Variants in MYO9A observed in about 807,000 individuals in gnomAD.
MYO9A encodes the protein unconventional myosin-IXa.
Under a neutral mutation model 293.3 loss-of-function variants are expected in MYO9A, and 103 were observed. The ratio of observed to expected loss-of-function variants is 0.35; its 90% confidence interval spans 0.30 to 0.41. MYO9A has a LOEUF of 0.41. Among genes scored for constraint, MYO9A ranks in the 10% least tolerant of loss-of-function variants. The pLI, the probability that MYO9A is intolerant of heterozygous loss-of-function variation, is 1.00. For synonymous variants in MYO9A, 1,001 were observed against 1,035.7 expected (o/e 0.97, Z 0.64); for missense variants, 2,685 against 3,033.0 (o/e 0.89, Z 2.69).
chr15:71,899,865 G>C lies in MYO9A; in HGVS notation c.3292C>G (p.Arg1098Gly), dbSNP rs574455598. The C allele has an allele frequency of 2.5e-6, 4 of 1,614,028 alleles. No individual in the cohort carries two copies. The Admixed American group carries it at 5.0e-5, about 20-fold the overall frequency. Residue 1098 changes from arginine to glycine, a missense_variant, in exon 24 of 42, where the codon CGG (arginine) becomes GGG (glycine). Arg to Gly is a moderately radical substitution (Grantham distance 125, BLOSUM62 -2). Around this residue, in one of 10 missense-constraint regions of MYO9A, gnomAD observed 1,434 missense variants for 1,497.7 expected, o/e 0.96. Transcript: ENST00000356056. Reference protein sequence around the residue: ...HLERQRYLELRAAAIVIQQKW... With the variant: ...HLERQRYLELGAAAIVIQQKW... ...TGCTGGATAACGATGGCTGCAGCCCGTAACTCCAAGTACCGCTGCCTCTCT... is the reference window on the plus strand; with the variant it reads ...TGCTGGATAACGATGGCTGCAGCCCCTAACTCCAAGTACCGCTGCCTCTCT...
At chr15:71,851,217 A>G (rs754099293) in intron 37 of MYO9A, 36 bp downstream of exon 37, 5 of 1,452,886 alleles carry the variant, frequency 3.4e-6, no homozygotes, top group Non-Finnish European at 3.8e-6. Context: ...TCCAAGAGAA[A>G]CTATTAAAAA....
At chr15:72,084,871 G>A (rs1008662558) in intron 1 of MYO9A, among the ~76,000 whole-genome samples, 1 of 152,124 alleles carries the variant, frequency 6.6e-6, no homozygotes, top group Non-Finnish European at 1.5e-5. Context: ...TCATGAATGA[G>A]ATCCTGAAAT....
At chr15:71,833,711 A>AAGTT (rs1215236949) in intron 39 of MYO9A, among the ~76,000 whole-genome samples, 1 of 152,136 alleles carries the variant, frequency 6.6e-6, no homozygotes. Flanking sequence ...AATTTAAAAC[A>AAGTT]AGTTTTCTAA....
Position 72,108,762 on chromosome 15 carries a change from ATT to A in MYO9A, c.-72+8916_-72+8917del, listed in dbSNP as rs3028363. 2.9e-5 allele frequency among the ~76,000 whole-genome samples: 4 copies of A among 139,226 alleles called. 1 individual carries two copies. Among genetic ancestry groups the A allele is most frequent in the Non-Finnish European group, 4.6e-5 (3 of 65,272 alleles). The allele number at this position is 139,226 out of a possible 152,430, so 91.3% of individuals were successfully genotyped here. A position where few individuals can be genotyped will look rare whatever the true frequency, so the allele number is the denominator to read the frequency against. On this transcript the variant is annotated intron_variant, in intron 1 of 41. Coordinates refer to ENST00000356056, the MANE Select transcript of MYO9A (RefSeq NM_006901.4). ...GCAGTAAACTTGTCATGACACATAC[ATT>A]TTTTTTTTTTTTTTTGAGACAGAGT... is the stretch of plus-strand genomic sequence containing the variant.
chr15:71,935,994 TGAAC>T (rs1234629524), intron 16 of MYO9A, among the ~76,000 whole-genome samples: 1 of 151,376 alleles, frequency 6.6e-6, no homozygotes, highest in Non-Finnish European at 1.5e-5. Context: ...GATATAGCAA[TGAAC>T]AAAACATAAC....
rs2080000491 is a variant in MYO9A, at chr15:72,094,001, C to T, written c.-72+23679G>A. 2.2e-5 allele frequency among the ~76,000 whole-genome samples: 2 copies of T among 90,840 alleles called. 1 individual carries two copies. Among genetic ancestry groups the T allele is most frequent in the African/African-American group, 5.2e-5 (2 of 38,666 alleles). The allele number at this position is 90,840 out of a possible 152,430, so 59.6% of individuals were successfully genotyped here. A position where few individuals can be genotyped will look rare whatever the true frequency, so the allele number is the denominator to read the frequency against. ...CACCCACAGTAAAAGAAGAAAAATA[C>T]ACACCCAAAAAAAGAAGAAAAACAC... is the stretch of plus-strand genomic sequence containing the variant. On this transcript the variant is annotated intron_variant, in intron 1 of 41. Transcript: ENST00000356056.
chr15:72,078,706 A>G (rs141046437), intron 1 of MYO9A, among the ~76,000 whole-genome samples: 1 of 152,360 alleles, frequency 6.6e-6, no homozygotes, highest in East Asian at 1.9e-4. Flanking sequence ...AGCTTTATTT[A>G]TGATTGTCAG....
intron 2 of MYO9A, among the ~76,000 whole-genome samples, chr15:72,035,977 G>C (rs956580864): frequency 7.2e-5 from 11 of 151,892 alleles, no homozygotes; most frequent in African/African-American, 2.7e-4. Flanking sequence ...ACTATAAAAG[G>C]TAATATTTTA....
chr15:71,898,741 C>G lies in MYO9A; in HGVS notation c.3762G>C (p.Glu1254Asp), dbSNP rs776334979. Residue 1254 changes from glutamate (E) to aspartate (D), a missense_variant, in exon 25 of 42, where the codon GAG (glutamate) becomes GAC (aspartate). Physicochemically the swap from Glu to Asp is conservative, Grantham distance 45. Transcript: ENST00000356056. ...VDLQEDVLVR[E>D]RPRSLEDLHQ... ...GGAGATCCTCCAAGGATCTGGGTCT[C>G]TCTCTTACAAGCACATCTTCCTGCA... 6.2e-7 allele frequency: 1 copy of G among 1,614,086 alleles called. No homozygotes were observed.
intron 5 of MYO9A, 36 bp downstream of exon 5, chr15:72,020,882 G>A (rs368978374): frequency 2.4e-5 from 31 of 1,285,788 alleles, no homozygotes; most frequent in Middle Eastern, 3.8e-4. Context: ...ATTTAATACT[G>A]CCCTATACTT....
chr15:72,100,469 G>A (rs936771094), intron 1 of MYO9A, among the ~76,000 whole-genome samples: 1 of 151,550 alleles, frequency 6.6e-6, no homozygotes, highest in Admixed American at 6.6e-5. Context: ...CAGTCTGGGA[G>A]GTGAGGAGCG....
chr15:72,078,013 C>T (rs551264128), intron 1 of MYO9A, among the ~76,000 whole-genome samples: 3 of 151,996 alleles, frequency 2.0e-5, no homozygotes, highest in Non-Finnish European at 4.4e-5. Context: ...AATTCTGAAA[C>T]AATGACAAAA....
chr15:71,901,842 G>C (rs181358632), intron 22 of MYO9A, among the ~76,000 whole-genome samples: 2 of 152,180 alleles, frequency 1.3e-5, no homozygotes, highest in East Asian at 3.9e-4. Flanking sequence ...TGTTGGGATG[G>C]GGAAAAAAGT....
intron 39 of MYO9A, among the ~76,000 whole-genome samples, chr15:71,834,862 C>T (rs538046242): frequency 4.6e-5 from 7 of 152,052 alleles, no homozygotes; most frequent in African/African-American, 7.2e-5. Flanking sequence ...CTAACTACAA[C>T]GGAATCAAGT....
rs765264146 is a variant in MYO9A at position 71,906,758 on chromosome 15, C to CTTTCTTTTTTTTT, written c.2686-1753_2686-1752insAAAAAAAAAGAAA. ...CCAATCAGATAATATCCATTTCTTT[C>CTTTCTTTTTTTTT]TTTTTTTTTTTTTTTTTTTTCCTGA... is the stretch of plus-strand genomic sequence containing the variant. On this transcript the variant is annotated intron_variant, in intron 19 of 41. Transcript: ENST00000356056. Among the ~76,000 whole-genome samples the CTTTCTTTTTTTTT allele has an allele frequency of 7.6e-3, 464 of 60,988 alleles. 26 individuals carry two copies. The highest frequency in any genetic ancestry group is 0.026 in the Middle Eastern group (2 of 76). The allele number at this position is 60,988 out of a possible 152,430, so 40.0% of individuals were successfully genotyped here. A position where few individuals can be genotyped will look rare whatever the true frequency, so the allele number is the denominator to read the frequency against.
chr15:71,861,702 CAA>C (rs1324967649), intron 33 of MYO9A, among the ~76,000 whole-genome samples: 6 of 91,080 alleles, frequency 6.6e-5, no homozygotes, highest in Admixed American at 2.1e-4. Flanking sequence ...AAAAAAAAAA[CAA>C]ATAAGTTTCC....
intron 4 of MYO9A, among the ~76,000 whole-genome samples, chr15:72,022,536 C>A (rs576301401): frequency 6.6e-6 from 1 of 151,594 alleles, no homozygotes; most frequent in Non-Finnish European, 1.5e-5. Context: ...AAAAAAAAAT[C>A]CAATTTTGTT....
intron 25 of MYO9A, among the ~76,000 whole-genome samples, chr15:71,896,042 T>A (rs2057317541): frequency 6.6e-6 from 1 of 152,308 alleles, no homozygotes; most frequent in South Asian, 2.1e-4. Context: ...CTCTTATGGA[T>A]GCATATGCTA....
chr15:71,897,572 C>T lies in MYO9A; in HGVS notation c.4931G>A (p.Arg1644Lys), dbSNP rs749714983. 9.3e-6 allele frequency: 15 copies of T among 1,614,128 alleles called. No individual in the cohort carries two copies. In the South Asian group the frequency reaches 1.5e-4, roughly 17 times the overall value. ...AGACTGAGTTGGCCTAAAGTGTTCTCTTTTTGAAATGCGATTATTTGAGAG... is the reference window on the plus strand; with the variant it reads ...AGACTGAGTTGGCCTAAAGTGTTCTTTTTTTGAAATGCGATTATTTGAGAG... ...CKLSNNRISK[R>K]EHFRPTQSYS... Residue 1644 changes from arginine to lysine, a missense_variant, in exon 25 of 42, where the codon AGA (arginine) becomes AAA (lysine). Coordinates refer to ENST00000356056, the MANE Select transcript of MYO9A (RefSeq NM_006901.4).
Sources: gnomAD v4.1 joint callset for allele counts (sites outside exome capture counted in the v4.1 genomes callset) on GRCh38, gnomAD v4.1.1 for gene constraint, gnomAD v4.1.1 regional missense constraint, MANE v1.5 for transcripts, NCBI Gene and HGNC (gene_info 2026-07-23, HGNC 2026-07-21) for gene names.